Variants in CFAP44 observed in about 807,000 individuals in gnomAD.
CFAP44 encodes cilia- and flagella-associated protein 44.
CFAP44 carries 134 observed loss-of-function variants against 216.2 expected under a neutral mutation model. The observed-to-expected ratio is 0.62, with a 90% CI of 0.54 to 0.72. The LOEUF (loss-of-function observed/expected upper bound fraction) is 0.72, where lower values mean the gene tolerates loss of function less well. Ranked by LOEUF, CFAP44 falls within the 30% of genes least tolerant of loss-of-function variation. The probability of loss-of-function intolerance (pLI) is 0.00; values close to 1 mark genes in which losing one functional copy is unlikely to be tolerated. For synonymous variants in CFAP44, 700 were observed against 727.6 expected (o/e 0.96, Z 0.61); for missense variants, 2,035 against 2,182.1 (o/e 0.93, Z 1.34).
intron 1 of CFAP44, among the ~76,000 whole-genome samples, chr3:113,434,242 T>C (rs1286364787): frequency 6.6e-6 from 1 of 152,126 alleles, no homozygotes; most frequent in Non-Finnish European, 1.5e-5. Context: ...TGGGCATGTA[T>C]AGCAAGAAGC....
chr3:113,419,997 C>T lies in CFAP44; in HGVS notation c.570+20G>A. The T allele has an allele frequency of 6.3e-7, 1 of 1,599,928 alleles. No individual in the cohort carries two copies. On this transcript the variant is annotated intron_variant, in intron 5 of 34. Coordinates refer to ENST00000393845, the MANE Select transcript of CFAP44 (RefSeq NM_001164496.2). The stretch of plus-strand genomic sequence containing the variant: ...AGATAGGGTTTTTTGGGGTTTTTTT[C>T]TAATTTATTGAAGGCATACCCCAAT...
chr3:113,403,811 T>C (rs1244091760), intron 9 of CFAP44, 41 bp downstream of exon 9: 4 of 1,590,476 alleles, frequency 2.5e-6, no homozygotes, highest in Non-Finnish European at 3.4e-6. Flanking sequence ...GCTACAAGTC[T>C]TAAACGTGGG....
At chr3:113,380,869 A>C in intron 16 of CFAP44, 30 bp downstream of exon 16, 1 of 1,495,234 alleles carries the variant, frequency 6.7e-7, no homozygotes, top group Non-Finnish European at 8.9e-7. Context: ...GGAAATTATT[A>C]TAAGATAATG....
chr3:113,400,816 G>A, intron 11 of CFAP44, 172 bp from the exon 12 acceptor site: 1 of 630,254 alleles, frequency 1.6e-6, no homozygotes. Context: ...AGGAGAACCA[G>A]ATAGAGTCCT....
At chr3:113,430,429 G>GAAAAAAAAAAAAAAAAAAAA (rs754983161) in intron 2 of CFAP44, among the ~76,000 whole-genome samples, 7 of 74,208 alleles carry the variant, frequency 9.4e-5, no homozygotes, top group African/African-American at 1.3e-4. Flanking sequence ...AAAAATAAAT[G>GAAAAAAAAAAAAAAAAAAAA]AAAAAAAAAA....
chr3:113,334,744 T>C (rs937121609), intron 24 of CFAP44, among the ~76,000 whole-genome samples: 7 of 152,166 alleles, frequency 4.6e-5, no homozygotes, highest in Non-Finnish European at 5.9e-5. Context: ...AATCTTTATA[T>C]CCAGACTAAA....
intron 5 of CFAP44, chr3:113,417,215 A>G (rs1426252686): frequency 6.6e-6 from 1 of 152,214 alleles, no homozygotes; most frequent in East Asian, 1.9e-4. Flanking sequence ...TTGTTTCCAG[A>G]CCAGGTTACA....
intron 17 of CFAP44, among the ~76,000 whole-genome samples, chr3:113,378,999 C>T (rs920300311): frequency 3.9e-5 from 6 of 152,138 alleles, no homozygotes; most frequent in Admixed American, 2.6e-4. Context: ...TCCTTCTCCT[C>T]TTTGACCTGC....
chr3:113,318,455 T>C (rs1950109577), intron 28 of CFAP44, among the ~76,000 whole-genome samples: 1 of 152,284 alleles, frequency 6.6e-6, no homozygotes, highest in East Asian at 1.9e-4. Flanking sequence ...CTATGACTCA[T>C]TGGTACTCCT....
intron 2 of CFAP44, among the ~76,000 whole-genome samples, chr3:113,429,463 T>A (rs149083836): frequency 4.9e-4 from 75 of 152,280 alleles, no homozygotes; most frequent in African/African-American, 1.6e-3. Context: ...ACTGTTTGCA[T>A]GATGTATCTT....
At chr3:113,401,763 T>C (rs776283694) in intron 9 of CFAP44, 24 bp from the exon 10 acceptor site, 1 of 1,581,536 alleles carries the variant, frequency 6.3e-7, no homozygotes, top group East Asian at 2.3e-5. Context: ...AAGAAAATAC[T>C]TTAATCGATC....
intron 32 of CFAP44, among the ~76,000 whole-genome samples, chr3:113,303,669 T>C (rs927235483): frequency 2.6e-5 from 4 of 152,222 alleles, no homozygotes; most frequent in African/African-American, 9.7e-5. Context: ...TGTATTATTC[T>C]ATATTTTAAT....
At chr3:113,433,266 TAAA>T (rs1935151604) in intron 2 of CFAP44, among the ~76,000 whole-genome samples, 1 of 151,232 alleles carries the variant, frequency 6.6e-6, no homozygotes, top group East Asian at 1.9e-4. Flanking sequence ...CCATCTCTAC[TAAA>T]AATACAAAAA....
rs61732432 is a variant in CFAP44, at chr3:113,330,516, A to T, written c.3768T>A (p.Ile1256=). 3.5e-4 allele frequency: 542 copies of T among 1,537,162 alleles called. 3 individuals are homozygous for T. In the African/African-American group the frequency reaches 6.5e-3, roughly 18 times the overall value. The change falls in exon 26 of 35, where the codon ATT becomes ATA. Residue 1256 remains isoleucine, a synonymous_variant. Coordinates refer to ENST00000393845, the MANE Select transcript of CFAP44 (RefSeq NM_001164496.2). ...GAACTTCTTCTGGGTGTATCTGAGG[A>T]ATTTTGGGAATGGGTATGTGCTTGG... ...HISKHIPIPK[I]PQIHPEEVPE...
chr3:113,441,448 C>T lies in CFAP44; in HGVS notation c.-6+5G>A, dbSNP rs142713897. The T allele has an allele frequency of 1.4e-5, 14 of 985,696 alleles. No homozygotes were observed. The highest frequency in any genetic ancestry group is 1.7e-5 in the African/African-American group (1 of 57,296). The allele number at this position is 985,696 out of a possible 1,614,324, so 61.1% of individuals were successfully genotyped here. A position where few individuals can be genotyped will look rare whatever the true frequency, so the allele number is the denominator to read the frequency against. ...AAACTGCCGGCTGCTGAGGTCCAAA[C>T]TCACCGAAGGTACTGACCGCCGCGG... On this transcript the variant is annotated splice_donor_5th_base_variant and intron_variant, in intron 1 of 34. Coordinates refer to ENST00000393845, the MANE Select transcript of CFAP44 (RefSeq NM_001164496.2).
chr3:113,348,987 C>T (rs1448290179), intron 22 of CFAP44, among the ~76,000 whole-genome samples: 1 of 152,154 alleles, frequency 6.6e-6, no homozygotes, highest in African/African-American at 2.4e-5. Context: ...GATAGAATGA[C>T]AGCCGAAGAA....
chr3:113,353,072 A>G (rs1950460028), intron 22 of CFAP44, among the ~76,000 whole-genome samples: 1 of 152,132 alleles, frequency 6.6e-6, no homozygotes, highest in East Asian at 1.9e-4. Context: ...GTGAACCCTG[A>G]CTCAAAGGAG....
intron 32 of CFAP44, among the ~76,000 whole-genome samples, chr3:113,301,059 T>C (rs867871523): frequency 8.5e-5 from 13 of 152,278 alleles, no homozygotes; most frequent in Admixed American, 3.9e-4. Flanking sequence ...AGAATTTTCA[T>C]AGCAGAATCA....
chr3:113,356,898 AACAC>A (rs1180939792), intron 22 of CFAP44, among the ~76,000 whole-genome samples: 1 of 151,290 alleles, frequency 6.6e-6, no homozygotes, highest in Non-Finnish European at 1.5e-5. Context: ...TATATGTGTA[AACAC>A]ACACACACAT....
Sources: gnomAD v4.1 joint callset for allele counts (sites outside exome capture counted in the v4.1 genomes callset) on GRCh38, gnomAD v4.1.1 for gene constraint, MANE v1.5 for transcripts, NCBI Gene and HGNC (gene_info 2026-07-23, HGNC 2026-07-21) for gene names.